Variants in SNX5 observed in about 807,000 individuals in gnomAD.
The protein encoded by SNX5 is sorting nexin 5.
A neutral mutation model predicts 53.9 loss-of-function variants in SNX5; 31 were observed. That is an observed-to-expected ratio of 0.58 (90% CI 0.43 to 0.78). The LOEUF is 0.78. Ranked by LOEUF, SNX5 falls within the 30% of genes least tolerant of loss-of-function variation. The pLI is 0.00. For missense variants in SNX5, 471 were observed against 478.8 expected (o/e 0.98, Z 0.15); for synonymous variants, 168 against 171.1 (o/e 0.98, Z 0.14).
rs768979593 is a variant in SNX5, at chr20:17,949,097, T to C, written c.798A>G (p.Leu266=). 22 of 1,612,990 alleles carry C rather than the reference T, an allele frequency of 1.4e-5. No homozygotes were observed. The highest frequency in any genetic ancestry group is 1.2e-4 in the Admixed American group (7 of 59,998). The change falls in exon 9 of 13, where the codon CTA becomes CTG. Residue 266 remains leucine (L), a synonymous_variant. Coordinates refer to ENST00000377759, the MANE Select transcript of SNX5 (RefSeq NM_014426.4). The part of the protein sequence containing the change: ...LEEPTVIKKY[L]LKVAELFEKL... ...TTTCAAATAGCTCAGCAACCTTCAA[T>C]AGGTACCTGGAAATGTACATATAAT...
chr20:17,962,859 G>T (rs895580675), intron 1 of SNX5: 1 of 519,144 alleles, frequency 1.9e-6, no homozygotes, highest in Non-Finnish European at 3.8e-6. Context: ...AGGCTACATA[G>T]CCTCAAGTTC....
chr20:17,962,629 G>T (rs1160509756), intron 1 of SNX5: 1 of 401,828 alleles, frequency 2.5e-6, no homozygotes, highest in Non-Finnish European at 4.9e-6. Flanking sequence ...TCTAACAGAA[G>T]ATCTCAGTCT....
At chr20:17,968,258 C>T (rs2035597634) in intron 1 of SNX5, 117 bp downstream of exon 1, 1 of 901,280 alleles carries the variant, frequency 1.1e-6, no homozygotes, top group Non-Finnish European at 1.5e-6. Flanking sequence ...CGGGTGCTTC[C>T]CGCGCTGGGG....
At chr20:17,950,071 A>T in intron 8 of SNX5, 61 bp downstream of exon 8, 3 of 1,449,588 alleles carry the variant, frequency 2.1e-6, no homozygotes, top group Non-Finnish European at 2.9e-6. Context: ...TTATGCTTTT[A>T]ATTACACCAC....
At chr20:17,963,084 G>C (rs1258994028) in intron 1 of SNX5, 2 of 353,742 alleles carry the variant, frequency 5.7e-6, no homozygotes, top group Non-Finnish European at 1.1e-5. Flanking sequence ...AATTCACAAA[G>C]CAAAACAGCT....
chr20:17,948,286 C>T lies in SNX5; in HGVS notation c.918+604G>A, dbSNP rs111968091. ...TAATTCCATGAAAGTAGAAAATAGG[C>T]TATTAAAAAAGTATGTTTTTAAAAA... On this transcript the variant is annotated intron_variant, in intron 10 of 12. Transcript: ENST00000377759. Among the ~76,000 whole-genome samples, 1,497 of 152,262 alleles carry T rather than the reference C, an allele frequency of 9.8e-3. 23 individuals are homozygous for T. Among genetic ancestry groups the T allele is most frequent in the African/African-American group, 0.035 (1,441 of 41,534 alleles).
Position 17,968,614 on chromosome 20 carries a change from G to A in SNX5, c.-189C>T, listed in dbSNP as rs1160555867. On this transcript the variant is annotated 5_prime_UTR_variant, in exon 1 of 13. Transcript: ENST00000377759. ...CAGCTGCCCCGGGAGCAGGCGAGCA[G>A]GGCGCCACGTGCTCCCCCAGAGCAG... 9.5e-6 allele frequency: 6 copies of A among 632,286 alleles called. No individual in the cohort carries two copies. In the Admixed American group the frequency reaches 9.6e-5, roughly 10 times the overall value. The allele number at this position is 632,286 out of a possible 1,614,324, so 39.2% of individuals were successfully genotyped here.
At chr20:17,949,608 T>C (rs2039535312) in intron 8 of SNX5, among the ~76,000 whole-genome samples, 1 of 152,214 alleles carries the variant, frequency 6.6e-6, no homozygotes, top group South Asian at 2.1e-4. Flanking sequence ...GAAGGGTTTT[T>C]AATTAATGAA....
At chr20:17,956,696 A>AAC (rs1568594132) in intron 2 of SNX5, among the ~76,000 whole-genome samples, 5 of 128,830 alleles carry the variant, frequency 3.9e-5, no homozygotes, top group Admixed American at 7.8e-5. Context: ...AAAAAAAAAA[A>AAC]AAAAAAAACA....
Position 17,956,976 on chromosome 20 carries a change from G to C in SNX5, c.113C>G (p.Ala38Gly). 3 of 1,607,694 alleles carry C rather than the reference G, an allele frequency of 1.9e-6. No homozygotes were observed. The highest frequency in any genetic ancestry group is 2.6e-6 in the Non-Finnish European group (3 of 1,174,482). ...DPSLQIDIPD[A>G]LSERDKVKFT... ...TTTGACTTTGTCTCTCTCACTGAGC[G>C]CATCAGGTATGTCAATCTGAAGCGA... The change falls in exon 2 of 13, where the codon GCG becomes GGG. Residue 38 changes from alanine (A) to glycine (G), a missense_variant. Physicochemically the swap from Ala to Gly is moderately conservative, Grantham distance 60 (BLOSUM62 0). Coordinates refer to ENST00000377759, the MANE Select transcript of SNX5 (RefSeq NM_014426.4).
chr20:17,968,517 C>T lies in SNX5; in HGVS notation c.-92G>A. 2 of 1,152,440 alleles carry T rather than the reference C, an allele frequency of 1.7e-6. No individual in the cohort carries two copies. The highest frequency in any genetic ancestry group is 2.6e-5 in the South Asian group (1 of 38,086). The allele number at this position is 1,152,440 out of a possible 1,614,324, so 71.4% of individuals were successfully genotyped here. On this transcript the variant is annotated 5_prime_UTR_variant, in exon 1 of 13. Transcript: ENST00000377759. ...CCGCCGCCTGGGCGCCTCTCGGGGG[C>T]GGCCACGGCCCCGCCTCCGCCGGCC...
In SNX5 at chr20:17,942,426, A is replaced by G. The variant is rs1436466881; in HGVS notation, c.1165-19T>C. 3 of 1,597,100 alleles carry G rather than the reference A, an allele frequency of 1.9e-6. No individual in the cohort carries two copies. Among genetic ancestry groups the G allele is most frequent in the Admixed American group, 3.3e-5 (2 of 59,984 alleles). ...CATTGTTCTGTGGGGAAAAAAGGCA[A>G]GGCAGACCAGTGAATTATTAAAACT... is the stretch of plus-strand genomic sequence containing the variant. On this transcript the variant is annotated intron_variant, in intron 12 of 12. Transcript: ENST00000377759.
chr20:17,949,745 T>A (rs1159408241), intron 8 of SNX5, among the ~76,000 whole-genome samples: 1 of 151,806 alleles, frequency 6.6e-6, no homozygotes. Context: ...GTTCTCAGGA[T>A]CTCCTGAGGC....
chr20:17,943,264 A>G (rs2039442288), intron 11 of SNX5, 69 bp from the exon 12 acceptor site: 1 of 1,001,592 alleles, frequency 1.0e-6, no homozygotes, highest in East Asian at 2.4e-5. Flanking sequence ...TTTAACTACC[A>G]AATGGCATTC....
rs750091723 is a variant in SNX5 at position 17,942,220 on chromosome 20, T to C, written c.*137A>G. The stretch of plus-strand genomic sequence containing the variant: ...AACCAACATGGTTAAATGTTAAGAT[T>C]TGTAGAAATCAAAATATTTATTCAC... On this transcript the variant is annotated 3_prime_UTR_variant, in exon 13 of 13. Transcript: ENST00000377759. 1 of 634,310 alleles carries C rather than the reference T, an allele frequency of 1.6e-6. No individual in the cohort carries two copies. Among genetic ancestry groups the C allele is most frequent in the Non-Finnish European group, 2.8e-6 (1 of 356,130 alleles). The allele number at this position is 634,310 out of a possible 1,614,324, so 39.3% of individuals were successfully genotyped here.
At position 17,949,523 on chromosome 20, in the gene SNX5, G is replaced by A. The variant is rs183313702; in HGVS notation, c.792-420C>T. ...CTGTTTTGCCAAGCCTGGATGTTAAGTAAAATATTGTCTTACACCAGAAAT... is the reference window on the plus strand; with the variant it reads ...CTGTTTTGCCAAGCCTGGATGTTAAATAAAATATTGTCTTACACCAGAAAT... On this transcript the variant is annotated intron_variant, in intron 8 of 12. Transcript: ENST00000377759. Among the ~76,000 whole-genome samples the A allele has an allele frequency of 2.6e-4, 39 of 152,196 alleles. 1 individual carries two copies. In the East Asian group the frequency reaches 7.3e-3, roughly 29 times the overall value.
At chr20:17,942,825 A>C (rs988374108) in intron 12 of SNX5, 28 of 387,566 alleles carry the variant, frequency 7.2e-5, no homozygotes, top group Non-Finnish European at 1.1e-4. Flanking sequence ...TGGGAGGCCA[A>C]GGCAGGTGGA....
chr20:17,946,294 G>A (rs747208598), intron 11 of SNX5, among the ~76,000 whole-genome samples: 1 of 152,162 alleles, frequency 6.6e-6, no homozygotes, highest in Non-Finnish European at 1.5e-5. Context: ...GAGATACCCC[G>A]AAACGATGAG....
At chr20:17,942,916 G>T in intron 12 of SNX5, 194 bp downstream of exon 12, 1 of 479,582 alleles carries the variant, frequency 2.1e-6, no homozygotes, top group Non-Finnish European at 3.7e-6. Flanking sequence ...AAAAAAAGTT[G>T]CTAAAAATTA....
Sources: allele counts gnomAD v4.1 joint callset (sites outside exome capture counted in the v4.1 genomes callset), GRCh38; gene constraint gnomAD v4.1.1; transcripts MANE v1.5; gene names NCBI Gene and HGNC (gene_info 2026-07-23, HGNC 2026-07-21).